HEXD: variants seen among roughly 807,000 people sequenced by gnomAD.
HEXD encodes N-acetyl-beta-galactosaminidase.
A neutral mutation model predicts 54.2 loss-of-function variants in HEXD; 47 were observed. That is an observed-to-expected ratio of 0.87 (90% CI 0.69 to 1.11). The LOEUF is 1.11. Ranked by LOEUF, HEXD falls within the 50% of genes least tolerant of loss-of-function variation. The probability of loss-of-function intolerance (pLI) is 0.00; values close to 1 mark genes in which losing one functional copy is unlikely to be tolerated. For synonymous variants in HEXD, 293 were observed against 287.6 expected (o/e 1.02, Z -0.19); for missense variants, 576 against 649.2 (o/e 0.89, Z 1.23).
chr17:82,426,030 G>C (rs1293891409), intron 3 of HEXD: 6 of 118,558 alleles, frequency 5.1e-5, no homozygotes, highest in African/African-American at 2.2e-4. Flanking sequence ...CTTGAGCCTG[G>C]TGTTAGGTTT....
chr17:82,429,452 C>T (rs762220551), intron 4 of HEXD, among the ~76,000 whole-genome samples: 21 of 152,056 alleles, frequency 1.4e-4, no homozygotes, highest in Non-Finnish European at 1.6e-4. Context: ...GTGTTCTGGG[C>T]GTGCCACCGG....
At position 82,428,656 on chromosome 17, in the gene HEXD, G is replaced by GA; in HGVS notation, c.282+14dup. ...TTTGGACACATGGAGGTGAGTGGCA[G>GA]AAATGGAAGTTACCTGGTGCCAGGT... On this transcript the variant is annotated intron_variant, in intron 4 of 12. Coordinates refer to ENST00000327949, the MANE Select transcript of HEXD (RefSeq NM_001330542.2). 6.2e-7 allele frequency: 1 copy of GA among 1,610,480 alleles called. No individual in the cohort carries two copies.
At position 82,432,875 on chromosome 17, in the gene HEXD, A is replaced by G. The variant is rs573732698; in HGVS notation, c.283-783A>G. ...TCAGGAGATCGAGACCATCCTGGCT[A>G]ACACGGTGAAACCCCGTCTCTACTA... On this transcript the variant is annotated intron_variant, in intron 4 of 12. Coordinates refer to ENST00000327949, the MANE Select transcript of HEXD (RefSeq NM_001330542.2). Among the ~76,000 whole-genome samples the G allele has an allele frequency of 5.4e-5, 8 of 146,842 alleles. No homozygotes were observed. The East Asian group carries it at 6.4e-4, about 12-fold the overall frequency.
intron 3 of HEXD, 143 bp from the exon 4 acceptor site, chr17:82,428,415 A>G (rs1466397535): frequency 1.6e-6 from 1 of 614,528 alleles, no homozygotes; most frequent in Non-Finnish European, 2.9e-6. Flanking sequence ...AGAAATCAGG[A>G]TACCTGTCAA....
chr17:82,425,675 G>A (rs2053392331), intron 3 of HEXD: 1 of 152,346 alleles, frequency 6.6e-6, no homozygotes, highest in South Asian at 2.1e-4. Context: ...AAGCATATAA[G>A]AAAATGTGAA....
At chr17:82,440,584 C>T (rs1170327363) in intron 9 of HEXD, 3 of 318,040 alleles carry the variant, frequency 9.4e-6, no homozygotes, top group South Asian at 2.6e-5. Context: ...GTCGGAGATT[C>T]GTCCACGCTG....
Position 82,435,813 on chromosome 17 carries a change from G to C in HEXD, c.572G>C (p.Ser191Thr), listed in dbSNP as rs375790128. Residue 191 changes from serine to threonine, a missense_variant, in exon 6 of 13, where the codon AGC (serine) becomes ACC (threonine). Transcript: ENST00000327949. Reference sequence around the variant, plus strand: ...AGCGGCGTGAAGGCCCGGCGCCCCAGCGTGACACCCCTGGTGTGGGACGAC... The same window carrying C: ...AGCGGCGTGAAGGCCCGGCGCCCCACCGTGACACCCCTGGTGTGGGACGAC... Reference protein sequence around the residue: ...VASGVKARRPSVTPLVWDDML... With the variant: ...VASGVKARRPTVTPLVWDDML... 23 of 1,612,448 alleles carry C rather than the reference G, an allele frequency of 1.4e-5. No homozygotes were observed. Among genetic ancestry groups the C allele is most frequent in the Non-Finnish European group, 1.9e-5 (23 of 1,179,838 alleles).
Position 82,422,373 on chromosome 17 carries a change from T to A in HEXD, c.85-2021T>A, listed in dbSNP as rs2053260832. ...CAGGCCAGGCTCAGCGGCTCACAAC[T>A]GTAATCCCACCTACTTGGGAGGCTG... On this transcript the variant is annotated intron_variant, in intron 2 of 12. Transcript: ENST00000327949. Among the ~76,000 whole-genome samples, 9 of 150,962 alleles carry A rather than the reference T, an allele frequency of 6.0e-5. No homozygotes were observed. The South Asian group carries it at 1.3e-3, about 21-fold the overall frequency.
chr17:82,441,304 G>A (rs2053945858), intron 11 of HEXD, 38 bp downstream of exon 11: 2 of 1,576,880 alleles, frequency 1.3e-6, no homozygotes, highest in Non-Finnish European at 8.6e-7. Flanking sequence ...GGGTGAGGGG[G>A]GCAGGCATGG....
chr17:82,432,055 G>C lies in HEXD; in HGVS notation c.283-1603G>C, dbSNP rs1233045608. Among the ~76,000 whole-genome samples, 3 of 152,276 alleles carry C rather than the reference G, an allele frequency of 2.0e-5. No individual in the cohort carries two copies. In the East Asian group the frequency reaches 5.8e-4, roughly 29 times the overall value. ...TTTTACATTTTAGCCTGGCTTCCTA[G>C]GGTCATCCCTCTGTCTTCATAGTTG... On this transcript the variant is annotated intron_variant, in intron 4 of 12. Coordinates refer to ENST00000327949, the MANE Select transcript of HEXD (RefSeq NM_001330542.2).
At chr17:82,441,355 G>C in intron 11 of HEXD, 89 bp downstream of exon 11, 1 of 1,401,408 alleles carries the variant, frequency 7.1e-7, no homozygotes. Context: ...TGGGAGGCAG[G>C]TGCGGGTGAG....
chr17:82,429,583 A>G (rs1186320566), intron 4 of HEXD, among the ~76,000 whole-genome samples: 1 of 152,068 alleles, frequency 6.6e-6, no homozygotes, highest in Admixed American at 6.6e-5. Flanking sequence ...GTCTCTGCCA[A>G]GGCCGCCAGG....
Position 82,435,837 on chromosome 17 carries a change from A to G in HEXD, c.596A>G (p.Asp199Gly). The G allele has an allele frequency of 6.2e-7, 1 of 1,611,354 alleles. No individual in the cohort carries two copies. The highest frequency in any genetic ancestry group is 8.5e-7 in the Non-Finnish European group (1 of 1,179,438). The change falls in exon 6 of 13, where the codon GAC (aspartate) becomes GGC (glycine). Residue 199 changes from aspartate (D) to glycine (G), a missense_variant. Asp to Gly is a moderately conservative substitution (Grantham distance 94). Coordinates refer to ENST00000327949, the MANE Select transcript of HEXD (RefSeq NM_001330542.2). ...RPSVTPLVWD[D>G]MLRDLPEDQL... ...AGCGTGACACCCCTGGTGTGGGACG[A>G]CATGCTCCGAGACCTGCCTGAGGAC...
At chr17:82,435,607 G>T (rs945773511) in intron 5 of HEXD, 82 bp from the exon 6 acceptor site, 1 of 1,433,490 alleles carries the variant, frequency 7.0e-7, no homozygotes, top group Non-Finnish European at 9.6e-7. Flanking sequence ...GCCCCTCTCC[G>T]TCAGGGCACG....
Position 82,433,660 on chromosome 17 carries a change from T to C in HEXD, c.285T>C (p.Phe95=). 1 of 1,576,540 alleles carries C rather than the reference T, an allele frequency of 6.3e-7. No individual in the cohort carries two copies. Among genetic ancestry groups the C allele is most frequent in the South Asian group, 1.2e-5 (1 of 85,672 alleles). ...PLVQTFGHME[F]VLKHTAFAHL... ...CGAACTTCTCTGTCTCTCCGCAGTT[T>C]GTGCTGAAGCACACGGCCTTCGCCC... is the stretch of plus-strand genomic sequence containing the variant. Residue 95 remains phenylalanine (F), a splice_region_variant and synonymous_variant, in exon 5 of 13, where the codon TTT becomes TTC. Coordinates refer to ENST00000327949, the MANE Select transcript of HEXD (RefSeq NM_001330542.2).
intron 9 of HEXD, chr17:82,440,732 G>C (rs927118935): frequency 1.2e-5 from 6 of 510,390 alleles, no homozygotes; most frequent in Non-Finnish European, 2.1e-5. Context: ...GCCACTTGCT[G>C]TCCGGGTGTT....
chr17:82,420,912 A>G (rs1395685882), intron 2 of HEXD, among the ~76,000 whole-genome samples: 1 of 152,170 alleles, frequency 6.6e-6, no homozygotes, highest in Non-Finnish European at 1.5e-5. Flanking sequence ...CTAGAAAACT[A>G]AGACACTCTT....
intron 10 of HEXD, 21 bp downstream of exon 10, chr17:82,441,096 CCT>C (rs772731489): frequency 6.2e-7 from 1 of 1,613,660 alleles, no homozygotes; most frequent in South Asian, 1.1e-5. Context: ...TGCAGCCCTC[CCT>C]GTCCCCTTCT....
At chr17:82,429,169 A>C (rs1004520947) in intron 4 of HEXD, among the ~76,000 whole-genome samples, 2 of 152,146 alleles carry the variant, frequency 1.3e-5, no homozygotes, top group Non-Finnish European at 2.9e-5. Context: ...CTGGGGCAGG[A>C]GAATCACTTG....
Sources: allele counts gnomAD v4.1 joint callset (sites outside exome capture counted in the v4.1 genomes callset), GRCh38; gene constraint gnomAD v4.1.1; transcripts MANE v1.5; gene names NCBI Gene and HGNC (gene_info 2026-07-23, HGNC 2026-07-21).